The following MED12 variants were observed in gnomAD, a reference collection of about 807,000 sequenced individuals.
MED12 encodes the protein mediator of RNA polymerase II transcription subunit 12.
Under a neutral mutation model 177.7 loss-of-function variants are expected in MED12, and 10 were observed. The ratio of observed to expected loss-of-function variants is 0.06; its 90% CI spans 0.03 to 0.10. The LOEUF (loss-of-function observed/expected upper bound fraction) is 0.10. MED12 is among the 10% of genes least tolerant of loss of function. The pLI is 1.00. For missense variants in MED12, 867 were observed against 1,780.8 expected (o/e 0.49, Z 9.23); for synonymous variants, 641 against 678.4 (o/e 0.94, Z 0.86).
rs1246253918 is a variant in MED12 at position 71,136,513 on chromosome X, C to T, written c.5258C>T (p.Ala1753Val). 2.9e-5 allele frequency: 35 copies of T among 1,200,330 alleles called. No homozygotes were observed. The highest frequency in any genetic ancestry group is 3.9e-5 in the Non-Finnish European group (35 of 890,590). ...CCCCCAGAAGATGAGGAGCCGCCTG[C>T]TCCTACCCTGCTAGAGCCTGAGAAA... ...PLPPEDEEPPAPTLLEPEKKA... is the reference protein window; with the variant it reads ...PLPPEDEEPPVPTLLEPEKKA... The change falls in exon 37 of 45, where the codon GCT becomes GTT. Residue 1753 changes from alanine to valine, a missense_variant. Ala to Val is a moderately conservative substitution (Grantham distance 64, BLOSUM62 0). Around this residue, in one of 14 missense-constraint regions of MED12, gnomAD observed 236 missense variants for 345.2 expected, o/e 0.68. Coordinates refer to ENST00000374080, the MANE Select transcript of MED12 (RefSeq NM_005120.3).
At chrX:71,136,138 A>G (rs1025872255) in intron 36 of MED12, 143 bp from the exon 37 acceptor site, 9 of 679,272 alleles carry the variant, frequency 1.3e-5, no homozygotes, top group Admixed American at 2.5e-5. Flanking sequence ...CCGCATGTAT[A>G]TGTGTATCCA....
Position 71,136,652 on chromosome X carries a change from A to G in MED12, c.5397A>G (p.Thr1799=). 2 of 1,207,991 alleles carry G rather than the reference A, an allele frequency of 1.7e-6. No individual in the cohort carries two copies. The highest frequency in any genetic ancestry group is 3.5e-5 in the South Asian group (2 of 56,445). ...GKKRSQPATK[T]EDYGMGPGRS... ...AACGCAGCCAGCCAGCTACCAAGACAGAGGTGAGCGCCTCCCCCGTGACAG... is the reference window on the plus strand; with the variant it reads ...AACGCAGCCAGCCAGCTACCAAGACGGAGGTGAGCGCCTCCCCCGTGACAG... The change falls in exon 37 of 45, where the codon ACA becomes ACG. Residue 1799 remains threonine, a synonymous_variant. Transcript: ENST00000374080.
chrX:71,134,012 G>A (rs1392640067), intron 33 of MED12, among the ~76,000 whole-genome samples: 4 of 109,875 alleles, frequency 3.6e-5, no homozygotes, highest in Admixed American at 2.9e-4. Flanking sequence ...GGCGGATCAC[G>A]AGGTCAGGAG....
rs780996949 is a variant in MED12, at chrX:71,125,101, C to G, written c.2181C>G (p.Asp727Glu). The change falls in exon 15 of 45, where the codon GAC becomes GAG. Residue 727 changes from aspartate (D) to glutamate (E), a missense_variant. This residue lies in a region of MED12 where 309 missense variants were observed against 556.3 expected (regional missense o/e 0.56). Transcript: ENST00000374080. Reference sequence around the variant, plus strand: ...AAGGGACCCTTGGGGTTCTTTACGACCAGCCACGACACGTGCAGTACGCCA... The same window carrying G: ...AAGGGACCCTTGGGGTTCTTTACGAGCAGCCACGACACGTGCAGTACGCCA... ...KIEGTLGVLY[D>E]QPRHVQYATH... The G allele has an allele frequency of 2.5e-6, 3 of 1,211,117 alleles. No homozygotes were observed. The highest frequency in any genetic ancestry group is 3.4e-6 in the Non-Finnish European group (3 of 895,319).
intron 42 of MED12, 133 bp from the exon 43 acceptor site, chrX:71,141,097 A>G: frequency 9.0e-7 from 1 of 1,106,324 alleles, no homozygotes; most frequent in East Asian, 3.3e-5. Context: ...CTTTCTGTGC[A>G]GCTGTCTAAA....
rs779153280 is a variant in MED12 at position 71,125,171 on chromosome X, T to G, written c.2226+25T>G. 3.3e-6 allele frequency: 4 copies of G among 1,206,974 alleles called. No individual in the cohort carries two copies. The Admixed American group carries it at 8.7e-5, about 26-fold the overall frequency. On this transcript the variant is annotated intron_variant, in intron 15 of 44. Coordinates refer to ENST00000374080, the MANE Select transcript of MED12 (RefSeq NM_005120.3). ...GGTACTATTCCCCAGCACCTTGTGA[T>G]GATCTGTTTTGAACCCAGATTGCTG...
At chrX:71,123,428 C>T (rs1010228179) in intron 11 of MED12, among the ~76,000 whole-genome samples, 166 bp from the exon 12 acceptor site, 1 of 111,165 alleles carries the variant, frequency 9.0e-6, no homozygotes, top group East Asian at 2.8e-4. Flanking sequence ...TTAGAGATAA[C>T]ATCAAGGCTT....
At position 71,123,211 on chromosome X, in the gene MED12, G is replaced by A. The variant is rs1057523461; in HGVS notation, c.1602G>A (p.Ala534=). The A allele has an allele frequency of 5.8e-6, 7 of 1,209,647 alleles. No individual in the cohort carries two copies. The highest frequency in any genetic ancestry group is 1.8e-5 in the South Asian group (1 of 56,798). ...VVAKLLEKRQ[A]EIEAERCGES... ...CCAAGCTCCTGGAGAAGAGACAGGC[G>A]GAGATTGAGGCTGAGGTTAGAGGGC... The change falls in exon 11 of 45, where the codon GCG becomes GCA. Residue 534 remains alanine, a synonymous_variant. Transcript: ENST00000374080.
At chrX:71,126,550 A>G (rs1569481471) in intron 19 of MED12, 66 bp downstream of exon 19, 2 of 1,159,185 alleles carry the variant, frequency 1.7e-6, no homozygotes, top group East Asian at 5.9e-5. Flanking sequence ...ACGGAGGGTC[A>G]TAAGGACAGG....
At position 71,124,981 on chromosome X, in the gene MED12, C is replaced by T. The variant is rs2147791424; in HGVS notation, c.2061C>T (p.Phe687=). 8.3e-7 allele frequency: 1 copy of T among 1,210,495 alleles called. No individual in the cohort carries two copies. The highest frequency in any genetic ancestry group is 1.1e-6 in the Non-Finnish European group (1 of 894,781). ...CTTTCTCACCTTTCTCTCAGTTGTT[C>T]TCCCCTACTATGCCCTGTGAGGGGA... The part of the protein sequence containing the change: ...EDMEKPDFSL[F]SPTMPCEGKG... Residue 687 remains phenylalanine, a synonymous_variant, in exon 15 of 45, where the codon TTC becomes TTT. Transcript: ENST00000374080.
At position 71,136,905 on chromosome X, in the gene MED12, C is replaced by T. The variant is rs772462354; in HGVS notation, c.5427C>T (p.Ser1809=). 109 of 1,208,815 alleles carry T rather than the reference C, an allele frequency of 9.0e-5. 1 individual carries two copies. In the South Asian group the frequency reaches 1.2e-3, roughly 14 times the overall value. The change falls in exon 38 of 45, where the codon AGC becomes AGT. Residue 1809 remains serine (S), a synonymous_variant. Transcript: ENST00000374080. ...ACTATGGAATGGGCCCGGGTCGGAG[C>T]GGCCCTTATGGTGTGACAGTGCCTC... ...TEDYGMGPGR[S]GPYGVTVPPD... is the part of the protein sequence containing the mutation.
intron 38 of MED12, 33 bp downstream of exon 38, chrX:71,137,062 C>T (rs1440320637): frequency 8.4e-7 from 1 of 1,186,828 alleles, no homozygotes; most frequent in South Asian, 1.8e-5. Context: ...GCTGGAGGGA[C>T]CTACCTGTAC....
rs757953284 is a variant in MED12 at position 71,125,235 on chromosome X, A to T, written c.2226+89A>T. 1.1e-4 allele frequency: 135 copies of T among 1,191,138 alleles called. No homozygotes were observed. The East Asian group carries it at 3.5e-3, about 31-fold the overall frequency. ...CTGAGGGGTTGGAGCTGTTCTGAGGATGTGGGTTGGGAAAGGGAAGGGCTT... is the reference window on the plus strand; with the variant it reads ...CTGAGGGGTTGGAGCTGTTCTGAGGTTGTGGGTTGGGAAAGGGAAGGGCTT... On this transcript the variant is annotated intron_variant, in intron 15 of 44. Coordinates refer to ENST00000374080, the MANE Select transcript of MED12 (RefSeq NM_005120.3).
rs375001801 is a variant in MED12 at position 71,134,404 on chromosome X, G to A, written c.4665G>A (p.Thr1555=). 9.8e-5 allele frequency: 115 copies of A among 1,167,954 alleles called. No homozygotes were observed. The highest frequency in any genetic ancestry group is 4.7e-4 in the South Asian group (25 of 52,670). The stretch of plus-strand genomic sequence containing the variant: ...TGCAGCGCAGCACCCAGCAGACCAC[G>A]GAGTGGGCCATGCTCCTCCTGGAGA... The part of the protein sequence containing the change: ...DTVQRSTQQT[T]EWAMLLLEII... The change falls in exon 34 of 45, where the codon ACG becomes ACA. Residue 1555 remains threonine (T), a synonymous_variant. Transcript: ENST00000374080.
intron 34 of MED12, 89 bp downstream of exon 34, chrX:71,134,555 G>T: frequency 1.1e-6 from 1 of 928,592 alleles, no homozygotes; most frequent in African/African-American, 1.9e-5. Flanking sequence ...GATTGGTGTG[G>T]CTGTTACTGT....
chrX:71,134,905 C>T, intron 35 of MED12, 57 bp downstream of exon 35: 1 of 1,201,129 alleles, frequency 8.3e-7, no homozygotes, highest in Non-Finnish European at 1.1e-6. Flanking sequence ...TGTCCAGCCT[C>T]AGGAACTTGC....
intron 29 of MED12, 45 bp downstream of exon 29, chrX:71,131,666 T>A: frequency 8.6e-7 from 1 of 1,162,692 alleles, no homozygotes; most frequent in Non-Finnish European, 1.2e-6. Flanking sequence ...CACGTTCAGC[T>A]CCATGTGTCA....
chrX:71,122,948 T>A, intron 10 of MED12, 74 bp downstream of exon 10: 1 of 1,158,915 alleles, frequency 8.6e-7, no homozygotes, highest in Non-Finnish European at 1.2e-6. Flanking sequence ...GAAGTCATGG[T>A]GAGGCATTGA....
rs1028631372 is a variant in MED12, at chrX:71,129,709, A to G, written c.3721A>G (p.Thr1241Ala). ...TGCGGAACTGAAAGGTTCAGGCTTCACTGTGACAGGAGGAACAGAAGAACT... is the reference window on the plus strand; with the variant it reads ...TGCGGAACTGAAAGGTTCAGGCTTCGCTGTGACAGGAGGAACAGAAGAACT... ...GDAELKGSGFTVTGGTEELPE... is the reference protein window; with the variant it reads ...GDAELKGSGFAVTGGTEELPE... The change falls in exon 27 of 45, where the codon ACT becomes GCT. Residue 1241 changes from threonine to alanine, a missense_variant. By Grantham distance (58) the Thr-to-Ala change is moderately conservative. Transcript: ENST00000374080. 3.0e-5 allele frequency: 36 copies of G among 1,196,336 alleles called. No individual in the cohort carries two copies. The highest frequency in any genetic ancestry group is 3.8e-5 in the Non-Finnish European group (34 of 888,204).
Sources: gnomAD v4.1 joint callset for allele counts (sites outside exome capture counted in the v4.1 genomes callset) on GRCh38, gnomAD v4.1.1 for gene constraint, gnomAD v4.1.1 regional missense constraint, MANE v1.5 for transcripts, NCBI Gene and HGNC (gene_info 2026-07-23, HGNC 2026-07-21) for gene names.